WAC: variants seen among roughly 807,000 people sequenced by gnomAD.
WAC encodes the protein WW domain-containing adapter protein with coiled-coil.
Under a neutral mutation model 79.6 loss-of-function variants are expected in WAC, and 11 were observed. That is an observed-to-expected ratio of 0.14 (90% confidence interval 0.09 to 0.23). The LOEUF is 0.23. Ranked by LOEUF, WAC falls within the 10% of genes least tolerant of loss-of-function variation. The pLI is 1.00. For missense variants in WAC, 728 were observed against 773.5 expected (o/e 0.94, Z 0.70); for synonymous variants, 304 against 276.9 (o/e 1.10, Z -0.97).
At position 28,533,543 on chromosome 10, in the gene WAC, C is replaced by A. The variant is rs1240977883; in HGVS notation, c.-37C>A. 4 of 1,349,216 alleles carry A rather than the reference C, an allele frequency of 3.0e-6. No homozygotes were observed. Among genetic ancestry groups the A allele is most frequent in the African/African-American group, 3.0e-5 (2 of 66,158 alleles). The allele number at this position is 1,349,216 out of a possible 1,614,324, so 83.6% of individuals were successfully genotyped here. On this transcript the variant is annotated 5_prime_UTR_variant, in exon 1 of 14. Transcript: ENST00000354911. ...CCCGCCCGCCTTTCGCGGCCGCTCT[C>A]CCCCCTCCCCGACACACACTCACAG...
At chr10:28,610,010 CAA>C (rs1841153611) in intron 8 of WAC, among the ~76,000 whole-genome samples, 1 of 146,014 alleles carries the variant, frequency 6.8e-6, no homozygotes, top group South Asian at 2.1e-4. Flanking sequence ...CGGCTCACTG[CAA>C]CCTCTGCCTC....
intron 3 of WAC, among the ~76,000 whole-genome samples, chr10:28,578,314 AT>A (rs549740257): frequency 5.7e-4 from 87 of 152,270 alleles, no homozygotes; most frequent in Non-Finnish European, 1.1e-3. Flanking sequence ...GCAATATGAG[AT>A]GGTAGATGTC....
chr10:28,535,247 T>C, intron 2 of WAC: 1 of 191,182 alleles, frequency 5.2e-6, no homozygotes, highest in Non-Finnish European at 1.1e-5. Flanking sequence ...CTTTTGACTA[T>C]CAAAAAATGA....
intron 3 of WAC, among the ~76,000 whole-genome samples, chr10:28,536,463 C>T (rs1184935060): frequency 6.6e-6 from 1 of 152,130 alleles, no homozygotes; most frequent in African/African-American, 2.4e-5. Flanking sequence ...CAATGATAAA[C>T]TATGAATTTA....
At chr10:28,563,662 C>G (rs1212741549) in intron 3 of WAC, among the ~76,000 whole-genome samples, 1 of 151,366 alleles carries the variant, frequency 6.6e-6, no homozygotes, top group Admixed American at 6.6e-5. Context: ...TCACTGCAGC[C>G]TCCGCCTCCT....
At chr10:28,590,246 A>G (rs1426695677) in intron 5 of WAC, among the ~76,000 whole-genome samples, 5 of 150,276 alleles carry the variant, frequency 3.3e-5, no homozygotes, top group Non-Finnish European at 7.4e-5. Context: ...TAAGAGGCCA[A>G]AGCTGCAGTG....
At chr10:28,614,883 G>T in intron 11 of WAC, 198 bp downstream of exon 11, 1 of 393,992 alleles carries the variant, frequency 2.5e-6, no homozygotes, top group Non-Finnish European at 4.5e-6. Context: ...GTGAAGCCCG[G>T]GTTATTTTGA....
chr10:28,538,652 G>A (rs1042231845), intron 3 of WAC, among the ~76,000 whole-genome samples: 3 of 151,108 alleles, frequency 2.0e-5, no homozygotes, highest in African/African-American at 7.3e-5. Context: ...TTGCTTGGGA[G>A]GTTGAGATGG....
At chr10:28,559,377 T>C (rs952323297) in intron 3 of WAC, among the ~76,000 whole-genome samples, 1 of 151,960 alleles carries the variant, frequency 6.6e-6, no homozygotes, top group Non-Finnish European at 1.5e-5. Context: ...GGCCTTATGG[T>C]GAGAGTGTTT....
At chr10:28,535,886 C>G in intron 3 of WAC, 129 bp downstream of exon 3, 1 of 792,902 alleles carries the variant, frequency 1.3e-6, no homozygotes, top group Non-Finnish European at 1.9e-6. Flanking sequence ...TTAATCCTAT[C>G]ATTTTTTTTT....
intron 3 of WAC, among the ~76,000 whole-genome samples, chr10:28,572,721 G>C (rs540147166): frequency 6.6e-6 from 1 of 152,246 alleles, no homozygotes; most frequent in East Asian, 1.9e-4. Flanking sequence ...TGAGGCAGGA[G>C]AATTGCTTGA....
intron 3 of WAC, among the ~76,000 whole-genome samples, chr10:28,544,552 T>G (rs1170450480): frequency 6.6e-6 from 1 of 152,176 alleles, no homozygotes; most frequent in Admixed American, 6.5e-5. Flanking sequence ...TTAGGCTTGC[T>G]CTTATTTCTG....
rs1414413012 is a variant in WAC at position 28,535,677 on chromosome 10, C to T, written c.194C>T (p.Pro65Leu). The T allele has an allele frequency of 5.6e-6, 9 of 1,613,974 alleles. No homozygotes were observed. The highest frequency in any genetic ancestry group is 6.8e-6 in the Non-Finnish European group (8 of 1,180,004). Residue 65 changes from proline (P) to leucine (L), a missense_variant, in exon 3 of 14, where the codon CCT becomes CTT. Pro to Leu is a moderately conservative substitution (Grantham distance 98). Around this residue, in one of 3 missense-constraint regions of WAC, gnomAD observed 648 missense variants for 661.5 expected, o/e 0.98. Coordinates refer to ENST00000354911, the MANE Select transcript of WAC (RefSeq NM_016628.5). ...AAAATGTTGCGGAGATCTGATAGTC[C>T]TGAAAACAAATACAGTGACAGCACA... The part of the protein sequence containing the change: ...PNKMLRRSDS[P>L]ENKYSDSTGH...
intron 6 of WAC, among the ~76,000 whole-genome samples, chr10:28,592,295 T>A (rs1285904679): frequency 6.6e-6 from 1 of 152,160 alleles, no homozygotes; most frequent in Non-Finnish European, 1.5e-5. Flanking sequence ...TGTGGGTTTT[T>A]TGAGCAAATT....
rs117547501 is a variant in WAC at position 28,584,634 on chromosome 10, C to T, written c.381+1129C>T. The stretch of plus-strand genomic sequence containing the variant: ...TGTAGGTTGAGTCCAACTGATTTTG[C>T]TTTGAGTATTTGAGTGATCATCATG... On this transcript the variant is annotated intron_variant, in intron 4 of 13. Transcript: ENST00000354911. Among the ~76,000 whole-genome samples the T allele has an allele frequency of 1.7e-4, 26 of 152,094 alleles. No individual in the cohort carries two copies. The East Asian group carries it at 3.1e-3, about 18-fold the overall frequency.
At chr10:28,562,432 A>G (rs1408334938) in intron 3 of WAC, among the ~76,000 whole-genome samples, 1 of 152,132 alleles carries the variant, frequency 6.6e-6, no homozygotes, top group Non-Finnish European at 1.5e-5. Flanking sequence ...TTTGTTGCAA[A>G]TATAATGATT....
intron 2 of WAC, 111 bp downstream of exon 2, chr10:28,534,145 A>G: frequency 9.6e-7 from 1 of 1,046,740 alleles, no homozygotes; most frequent in Non-Finnish European, 1.4e-6. Context: ...GGTGCAACAC[A>G]TCTGAAACTA....
Position 28,534,827 on chromosome 10 carries a change from T to C in WAC, c.79-735T>C, listed in dbSNP as rs141781140. 5.8e-4 allele frequency among the ~76,000 whole-genome samples: 88 copies of C among 152,388 alleles called. 1 individual carries two copies. Among genetic ancestry groups the C allele is most frequent in the Middle Eastern group, 6.8e-3 (2 of 294 alleles). On this transcript the variant is annotated intron_variant, in intron 2 of 13. Coordinates refer to ENST00000354911, the MANE Select transcript of WAC (RefSeq NM_016628.5). ...AATTTGAAAACACTGTCTTCTGATATGTAAAACATTGGATATGTCAAAAAT... is the reference window on the plus strand; with the variant it reads ...AATTTGAAAACACTGTCTTCTGATACGTAAAACATTGGATATGTCAAAAAT...
intron 3 of WAC, among the ~76,000 whole-genome samples, chr10:28,581,832 G>A (rs1839554608): frequency 6.6e-6 from 1 of 152,172 alleles, no homozygotes; most frequent in South Asian, 2.1e-4. Context: ...AAAGTGTTCA[G>A]CTTATTTTTG....
Sources: allele counts gnomAD v4.1 joint callset (sites outside exome capture counted in the v4.1 genomes callset), GRCh38; gene constraint gnomAD v4.1.1; regional missense constraint gnomAD v4.1.1; transcripts MANE v1.5; gene names NCBI Gene and HGNC (gene_info 2026-07-23, HGNC 2026-07-21).